The following RBFOX1 variants were observed in gnomAD, a reference collection of about 807,000 sequenced individuals.
The protein encoded by RBFOX1 is RNA binding fox-1 homolog 1.
A neutral mutation model predicts 57.7 loss-of-function variants in RBFOX1; 8 were observed. The observed-to-expected ratio is 0.14, with a 90% CI of 0.08 to 0.25. The LOEUF is 0.25. RBFOX1 is among the 10% of genes least tolerant of loss of function. RBFOX1 has a pLI of 1.00. For missense variants in RBFOX1, 611 were observed against 548.5 expected, an observed-to-expected ratio of 1.11 and a Z score of -1.14; for synonymous variants, 326 against 222.4, an observed-to-expected ratio of 1.47 and a Z score of -4.15.
chr16:7,170,131 T>C (rs939414096), intron 4 of RBFOX1, among the ~76,000 whole-genome samples: 4 of 152,166 alleles, frequency 2.6e-5, no homozygotes, highest in African/African-American at 9.7e-5. Context: ...AATTAATATA[T>C]CTTATGTTTT....
At chr16:6,318,615 C>G (rs1247272677) in intron 2 of RBFOX1, among the ~76,000 whole-genome samples, 1 of 152,060 alleles carries the variant, frequency 6.6e-6, no homozygotes, top group Non-Finnish European at 1.5e-5. Context: ...AATTCCTGTT[C>G]CAACCCTGCA....
In RBFOX1 at chr16:5,924,073, G is replaced by C. The variant is rs184562416; in HGVS notation, c.351+56738G>C. ...ATAGTGACTGAATCTCATGGTATCT[G>C]ATGGTTTTATAAGCATCTGGTAGTT... On this transcript the variant is annotated intron_variant, in intron 4 of 19. Transcript: ENST00000641259. 1.3e-3 allele frequency among the ~76,000 whole-genome samples: 204 copies of C among 152,224 alleles called. 1 individual carries two copies. Among genetic ancestry groups the C allele is most frequent in the Non-Finnish European group, 9.4e-4 (64 of 68,024 alleles).
intron 1 of RBFOX1, among the ~76,000 whole-genome samples, chr16:5,420,636 C>T (rs934605562): frequency 1.3e-5 from 2 of 152,102 alleles, no homozygotes; most frequent in Non-Finnish European, 1.5e-5. Flanking sequence ...CAGCGTCCCC[C>T]AACCCTGAGT....
intron 3 of RBFOX1, among the ~76,000 whole-genome samples, chr16:5,851,125 C>G (rs1216335626): frequency 6.6e-6 from 1 of 152,214 alleles, no homozygotes; most frequent in Non-Finnish European, 1.5e-5. Flanking sequence ...GACTTACCCT[C>G]ACAATCAGCC....
intron 3 of RBFOX1, among the ~76,000 whole-genome samples, chr16:5,747,019 G>A (rs1379271112): frequency 2.0e-5 from 3 of 152,116 alleles, no homozygotes; most frequent in Non-Finnish European, 2.9e-5. Flanking sequence ...TCTTGTGTCA[G>A]TTTTCAAAGG....
chr16:5,833,512 A>AAAAAAAAAAG (rs1379160773), intron 3 of RBFOX1, among the ~76,000 whole-genome samples: 2 of 150,988 alleles, frequency 1.3e-5, no homozygotes, highest in African/African-American at 4.9e-5. Flanking sequence ...AAAAAAAAAA[A>AAAAAAAAAAG]AAAGAAAGAA....
At chr16:7,183,933 AAG>A (rs1256940550) in intron 4 of RBFOX1, among the ~76,000 whole-genome samples, 3 of 152,138 alleles carry the variant, frequency 2.0e-5, no homozygotes, top group Non-Finnish European at 4.4e-5. Flanking sequence ...TAAACCAATA[AAG>A]AGAGGCTAAA....
Position 7,514,680 on chromosome 16 carries a change from G to A in RBFOX1, c.28-3467G>A, listed in dbSNP as rs148491197. On this transcript the variant is annotated intron_variant, in intron 4 of 15. Coordinates refer to ENST00000550418, the MANE Select transcript of RBFOX1 (RefSeq NM_018723.4). ...GGGGGTAGGTGAGGCTTTCCAAGCT[G>A]AGGGGCAGTAAATGTGAAGACTTGA... Among the ~76,000 whole-genome samples the A allele has an allele frequency of 3.1e-3, 477 of 152,264 alleles. 1 individual carries two copies. The highest frequency in any genetic ancestry group is 6.7e-3 in the African/African-American group (277 of 41,564).
At chr16:6,533,895 A>T (rs1244261210) in intron 2 of RBFOX1, among the ~76,000 whole-genome samples, 2 of 152,106 alleles carry the variant, frequency 1.3e-5, no homozygotes, top group African/African-American at 2.4e-5. Context: ...AAAATTAAAA[A>T]CTTTGTCCCA....
At chr16:7,430,972 T>C (rs2098673714) in intron 4 of RBFOX1, among the ~76,000 whole-genome samples, 1 of 152,182 alleles carries the variant, frequency 6.6e-6, no homozygotes. Context: ...TAGAAGCACG[T>C]GTACTTGAAT....
At chr16:7,500,579 C>G (rs906784217) in intron 4 of RBFOX1, among the ~76,000 whole-genome samples, 8 of 152,138 alleles carry the variant, frequency 5.3e-5, no homozygotes, top group Non-Finnish European at 1.0e-4. Context: ...TCTTAGGGAA[C>G]AGTTTGATGC....
chr16:6,124,869 A>C (rs1228675526), intron 1 of RBFOX1, among the ~76,000 whole-genome samples: 2 of 152,136 alleles, frequency 1.3e-5, no homozygotes, highest in East Asian at 3.9e-4. Context: ...TTTTAAAAAT[A>C]GCCCAAACAA....
intron 4 of RBFOX1, among the ~76,000 whole-genome samples, chr16:6,013,761 A>G (rs1041497772): frequency 1.3e-5 from 2 of 152,086 alleles, no homozygotes; most frequent in African/African-American, 4.8e-5. Flanking sequence ...AATCCAGTCT[A>G]TCATTGTTGG....
At chr16:7,253,007 A>C (rs958390548) in intron 4 of RBFOX1, among the ~76,000 whole-genome samples, 3 of 152,312 alleles carry the variant, frequency 2.0e-5, no homozygotes, top group African/African-American at 4.8e-5. Context: ...AGCCTCTGAT[A>C]ATAAGCCCTT....
At chr16:7,602,630 T>G (rs979139983) in intron 9 of RBFOX1, among the ~76,000 whole-genome samples, 2 of 152,136 alleles carry the variant, frequency 1.3e-5, no homozygotes, top group African/African-American at 2.4e-5. Context: ...TCACAGGGAA[T>G]GTGGGTTCAT....
At chr16:6,331,439 A>G (rs1304629843) in intron 2 of RBFOX1, among the ~76,000 whole-genome samples, 1 of 151,722 alleles carries the variant, frequency 6.6e-6, no homozygotes, top group Non-Finnish European at 1.5e-5. Context: ...AGAATGAAGA[A>G]AAAAAGTCTG....
intron 2 of RBFOX1, among the ~76,000 whole-genome samples, chr16:6,318,530 G>C (rs1201006564): frequency 6.6e-6 from 1 of 152,076 alleles, no homozygotes; most frequent in Non-Finnish European, 1.5e-5. Flanking sequence ...TTCAAGGATG[G>C]GTTTTCAGAT....
At chr16:5,474,387 C>T (rs763850743) in intron 2 of RBFOX1, among the ~76,000 whole-genome samples, 7 of 152,348 alleles carry the variant, frequency 4.6e-5, no homozygotes, top group Admixed American at 1.3e-4. Context: ...GGCGCGATGG[C>T]TCACTCCTGT....
At chr16:5,643,509 C>T (rs1031781912) in intron 3 of RBFOX1, among the ~76,000 whole-genome samples, 11 of 152,182 alleles carry the variant, frequency 7.2e-5, no homozygotes, top group Admixed American at 2.0e-4. Context: ...ACTTCACACA[C>T]CCAGCCTAGG....
Sources: gnomAD v4.1 joint callset for allele counts (sites outside exome capture counted in the v4.1 genomes callset) on GRCh38, gnomAD v4.1.1 for gene constraint, MANE v1.5 for transcripts, NCBI Gene and HGNC (gene_info 2026-07-23, HGNC 2026-07-21) for gene names.